The following ANKS1B variants were observed in gnomAD, a reference collection of about 807,000 sequenced individuals.
ANKS1B encodes the protein ankyrin repeat and sterile alpha motif domain-containing protein 1B.
ANKS1B carries 36 observed loss-of-function variants against 148.3 expected under a neutral mutation model. That is an observed-to-expected ratio of 0.24 (90% confidence interval 0.19 to 0.32). The LOEUF is 0.32. ANKS1B is among the 10% of genes least tolerant of loss of function. The pLI is 1.00. For missense variants in ANKS1B, 1,157 were observed against 1,542.6 expected, an observed-to-expected ratio of 0.75 and a Z score of 4.19; for synonymous variants, 542 against 560.8, an observed-to-expected ratio of 0.97 and a Z score of 0.47.
chr12:99,280,643 T>C (rs1482649024), intron 12 of ANKS1B, among the ~76,000 whole-genome samples: 2 of 152,144 alleles, frequency 1.3e-5, no homozygotes, highest in African/African-American at 2.4e-5. Flanking sequence ...GGGCAATCAG[T>C]TGAAGACTAA....
intron 19 of ANKS1B, among the ~76,000 whole-genome samples, chr12:98,828,656 C>A (rs1316735109): frequency 6.6e-6 from 1 of 152,176 alleles, no homozygotes; most frequent in Non-Finnish European, 1.5e-5. Flanking sequence ...GACAGATCTC[C>A]CTTTTCAATT....
chr12:99,824,416 C>T (rs2082902431), intron 2 of ANKS1B, among the ~76,000 whole-genome samples: 1 of 151,898 alleles, frequency 6.6e-6, no homozygotes, highest in African/African-American at 2.4e-5. Context: ...AGGAGAATAA[C>T]TTGAATCCAG....
chr12:99,134,977 C>A (rs553771764), intron 15 of ANKS1B, among the ~76,000 whole-genome samples: 1 of 151,956 alleles, frequency 6.6e-6, no homozygotes, highest in Non-Finnish European at 1.5e-5. Flanking sequence ...TTAGCACGAG[C>A]GACAAAGATC....
intron 9 of ANKS1B, among the ~76,000 whole-genome samples, chr12:99,630,027 C>A (rs1399687750): frequency 6.6e-6 from 1 of 152,036 alleles, no homozygotes; most frequent in Non-Finnish European, 1.5e-5. Flanking sequence ...TTTTCTAATT[C>A]TTGAAACTGA....
rs376921563 is a variant in ANKS1B, at chr12:98,904,671, C to G, written c.2779-72535G>C. ...ATCCAGAGAACTCAGCACGAAGATG[C>G]AGCAGAGTTTGCCTGAGCCACAGGG... On this transcript the variant is annotated intron_variant, in intron 17 of 26. Coordinates refer to ENST00000683438, the MANE Select transcript of ANKS1B (RefSeq NM_001352186.2). Among the ~76,000 whole-genome samples, 19 of 152,274 alleles carry G rather than the reference C, an allele frequency of 1.2e-4. No individual in the cohort carries two copies. The East Asian group carries it at 3.1e-3, about 25-fold the overall frequency.
intron 10 of ANKS1B, among the ~76,000 whole-genome samples, chr12:99,499,304 G>T (rs560033255): frequency 6.6e-6 from 1 of 152,234 alleles, no homozygotes; most frequent in East Asian, 1.9e-4. Flanking sequence ...AATTAAGCCT[G>T]GGTCAACTGA....
chr12:99,229,401 G>A (rs1401237300), intron 14 of ANKS1B, among the ~76,000 whole-genome samples: 1 of 151,612 alleles, frequency 6.6e-6, no homozygotes, highest in African/African-American at 2.4e-5. Context: ...ATCTTTATAT[G>A]TGCATTTTTT....
chr12:99,417,534 T>G (rs1174699915), intron 11 of ANKS1B, among the ~76,000 whole-genome samples: 1 of 152,222 alleles, frequency 6.6e-6, no homozygotes, highest in African/African-American at 2.4e-5. Context: ...TTATCCTAGT[T>G]ACTTTACGTA....
chr12:99,334,019 C>A (rs1392465794), intron 12 of ANKS1B, among the ~76,000 whole-genome samples: 1 of 151,730 alleles, frequency 6.6e-6, no homozygotes, highest in Non-Finnish European at 1.5e-5. Flanking sequence ...TTAGAAAGCT[C>A]TTTCAAGTGT....
chr12:99,708,759 T>C (rs1045408541), intron 8 of ANKS1B, among the ~76,000 whole-genome samples: 3 of 152,144 alleles, frequency 2.0e-5, no homozygotes, highest in African/African-American at 7.2e-5. Flanking sequence ...TATTTCCATA[T>C]CTCAAAATCC....
intron 19 of ANKS1B, among the ~76,000 whole-genome samples, chr12:98,821,100 G>T (rs1412056175): frequency 6.6e-6 from 1 of 152,144 alleles, no homozygotes; most frequent in Non-Finnish European, 1.5e-5. Flanking sequence ...CTCACTCTAG[G>T]AAGAGAAAAC....
At chr12:99,263,985 G>A (rs1379089068) in intron 12 of ANKS1B, among the ~76,000 whole-genome samples, 1 of 152,064 alleles carries the variant, frequency 6.6e-6, no homozygotes, top group Non-Finnish European at 1.5e-5. Flanking sequence ...TACAATTCTT[G>A]AATCTCAAGT....
intron 17 of ANKS1B, among the ~76,000 whole-genome samples, chr12:98,861,245 T>C (rs1417671961): frequency 6.6e-6 from 1 of 152,234 alleles, no homozygotes; most frequent in Admixed American, 6.5e-5. Flanking sequence ...TTAATATAGA[T>C]GGATCAGGCT....
intron 17 of ANKS1B, among the ~76,000 whole-genome samples, chr12:98,972,857 G>A (rs12314199): frequency 0.18 from 27,558 of 152,144 alleles, 2,676 homozygotes; most frequent in African/African-American, 0.23. Context: ...TACTAATGAA[G>A]TTTGGGTCAT....
chr12:99,094,821 G>A (rs1275374632), intron 15 of ANKS1B, among the ~76,000 whole-genome samples: 1 of 152,194 alleles, frequency 6.6e-6, no homozygotes, highest in Non-Finnish European at 1.5e-5. Flanking sequence ...TGTATTCCAA[G>A]TGCAATGGGA....
chr12:99,078,519 C>A (rs984070667), intron 16 of ANKS1B, among the ~76,000 whole-genome samples: 2 of 152,086 alleles, frequency 1.3e-5, no homozygotes, highest in African/African-American at 4.8e-5. Flanking sequence ...CTCTACAGAC[C>A]AGAGACATGT....
In ANKS1B at chr12:99,700,747, T is replaced by C. The variant is rs570524017; in HGVS notation, c.1129-45537A>G. Among the ~76,000 whole-genome samples, 3 of 152,310 alleles carry C rather than the reference T, an allele frequency of 2.0e-5. No individual in the cohort carries two copies. In the South Asian group the frequency reaches 6.2e-4, roughly 32 times the overall value. Reference sequence around the variant, plus strand: ...AACCCTGGATAAAGGGGAACTACTGTATTCCCATTCTAATTGCTAGGATCC... The same window carrying C: ...AACCCTGGATAAAGGGGAACTACTGCATTCCCATTCTAATTGCTAGGATCC... On this transcript the variant is annotated intron_variant, in intron 8 of 26. Transcript: ENST00000683438.
rs78150359 is a variant in ANKS1B at position 98,905,051 on chromosome 12, T to C, written c.2779-72915A>G. Among the ~76,000 whole-genome samples the C allele has an allele frequency of 6.6e-3, 1,004 of 152,298 alleles. 5 individuals carry two copies. The highest frequency in any genetic ancestry group is 0.016 in the South Asian group (77 of 4,826). ...GCAAGTTATAAGGTGACAAAATACA[T>C]TGACATGGTATCTGGATTAACAACA... On this transcript the variant is annotated intron_variant, in intron 17 of 26. Transcript: ENST00000683438.
intron 17 of ANKS1B, among the ~76,000 whole-genome samples, chr12:99,022,272 T>G (rs1325892646): frequency 6.6e-6 from 1 of 152,134 alleles, no homozygotes; most frequent in African/African-American, 2.4e-5. Context: ...ATTTACCAGC[T>G]GGTTGGAGAG....
Sources: allele counts gnomAD v4.1 joint callset (sites outside exome capture counted in the v4.1 genomes callset), GRCh38; gene constraint gnomAD v4.1.1; transcripts MANE v1.5; gene names NCBI Gene and HGNC (gene_info 2026-07-23, HGNC 2026-07-21).